CENPQ: variants seen among roughly 807,000 people sequenced by gnomAD.
The protein encoded by CENPQ is centromere protein Q, also known as chromosome 6 open reading frame 139.
A neutral mutation model predicts 36.6 loss-of-function variants in CENPQ; 27 were observed. That is an observed-to-expected ratio of 0.74 (90% CI 0.54 to 1.02). The LOEUF (loss-of-function observed/expected upper bound fraction) is 1.02, where lower values mean the gene tolerates loss of function less well. Ranked by LOEUF, CENPQ falls within the 50% of genes least tolerant of loss-of-function variation. CENPQ has a pLI of 0.00. For synonymous variants in CENPQ, 101 were observed against 101.7 expected, an observed-to-expected ratio of 0.99 and a Z score of 0.04; for missense variants, 306 against 301.8, an observed-to-expected ratio of 1.01 and a Z score of -0.10.
chr6:49,492,598 C>T lies in CENPQ; in HGVS notation c.*323C>T. On this transcript the variant is annotated 3_prime_UTR_variant, in exon 9 of 9. Transcript: ENST00000335783. Reference sequence around the variant, plus strand: ...ATGGAACTCATTTATTGGTTAACAGCTCATATCAGGAGCTGTGATAAGTAA... The same window carrying T: ...ATGGAACTCATTTATTGGTTAACAGTTCATATCAGGAGCTGTGATAAGTAA... The T allele has an allele frequency of 5.4e-6, 1 of 185,808 alleles. No individual in the cohort carries two copies. Among genetic ancestry groups the T allele is most frequent in the Middle Eastern group, 2.4e-3 (1 of 414 alleles). 11.5% of individuals were successfully genotyped at this position (185,808 alleles called of 1,614,324 possible).
At chr6:49,473,616 C>G (rs943098027) in intron 5 of CENPQ, among the ~76,000 whole-genome samples, 1 of 152,132 alleles carries the variant, frequency 6.6e-6, no homozygotes, top group South Asian at 2.1e-4. Context: ...CATCAACTAA[C>G]GAGCAAAATA....
At chr6:49,464,028 C>G (rs763825082) in intron 1 of CENPQ, among the ~76,000 whole-genome samples, 2 of 152,038 alleles carry the variant, frequency 1.3e-5, no homozygotes, top group Non-Finnish European at 2.9e-5. Flanking sequence ...GCTTTCCTGC[C>G]GTCCGAGTTT....
chr6:49,484,037 A>G (rs1397382120), intron 6 of CENPQ, among the ~76,000 whole-genome samples: 1 of 152,238 alleles, frequency 6.6e-6, no homozygotes, highest in Non-Finnish European at 1.5e-5. Flanking sequence ...ATTTTTAATT[A>G]TCAATTTAGA....
intron 5 of CENPQ, among the ~76,000 whole-genome samples, chr6:49,480,667 G>A (rs1380794295): frequency 3.9e-5 from 6 of 152,138 alleles, no homozygotes; most frequent in Admixed American, 2.6e-4. Context: ...GGAAATTTTG[G>A]TTTTAAAATG....
intron 6 of CENPQ, among the ~76,000 whole-genome samples, chr6:49,487,168 A>AAAAAAAAAAAAAATGGGCATGAGTTG (rs541811843): frequency 1.4e-5 from 1 of 72,214 alleles, no homozygotes; most frequent in Non-Finnish European, 3.3e-5. Flanking sequence ...AAAAAAAAAA[A>AAAAAAAAAAAAAATGGGCATGAGTTG]ATAAAAAAAA....
At chr6:49,469,457 T>G (rs1185032534) in intron 1 of CENPQ, among the ~76,000 whole-genome samples, 1 of 152,226 alleles carries the variant, frequency 6.6e-6, no homozygotes, top group Non-Finnish European at 1.5e-5. Flanking sequence ...CTTCTGTTCC[T>G]TTTATCAGAA....
rs181066309 is a variant in CENPQ, at chr6:49,463,647, G to T, written c.-19+194G>T. Among the ~76,000 whole-genome samples the T allele has an allele frequency of 2.7e-3, 414 of 152,060 alleles. 1 individual carries two copies. Among genetic ancestry groups the T allele is most frequent in the African/African-American group, 6.4e-3 (265 of 41,470 alleles). On this transcript the variant is annotated intron_variant, in intron 1 of 8. Coordinates refer to ENST00000335783, the MANE Select transcript of CENPQ (RefSeq NM_018132.4). ...ATTGAGATGTTTGATTAGGGGGGAG[G>T]GAGCAAAGCCATGAATACTTCCTAT...
intron 6 of CENPQ, among the ~76,000 whole-genome samples, chr6:49,486,762 AC>A (rs1199862117): frequency 2.0e-5 from 3 of 152,152 alleles, no homozygotes; most frequent in African/African-American, 7.2e-5. Context: ...AGAGCTGTAT[AC>A]TGAAATATTT....
rs569373751 is a variant in CENPQ, at chr6:49,485,435, A to G, written c.478-2917A>G. On this transcript the variant is annotated intron_variant, in intron 6 of 8. Transcript: ENST00000335783. The stretch of plus-strand genomic sequence containing the variant: ...AAAAATGGAGCCATAGGATTTCAGA[A>G]TCAGAGTTAGCATAAGAAAATATGA... Among the ~76,000 whole-genome samples, 13 of 152,334 alleles carry G rather than the reference A, an allele frequency of 8.5e-5. No individual in the cohort carries two copies. The South Asian group carries it at 2.7e-3, about 32-fold the overall frequency.
chr6:49,467,034 A>G (rs1768018546), intron 1 of CENPQ, among the ~76,000 whole-genome samples: 1 of 152,192 alleles, frequency 6.6e-6, no homozygotes, highest in Non-Finnish European at 1.5e-5. Context: ...CTAGCATCTG[A>G]CGGTCTACGT....
intron 6 of CENPQ, among the ~76,000 whole-genome samples, chr6:49,485,803 A>G (rs1468553546): frequency 6.7e-6 from 1 of 149,862 alleles, no homozygotes; most frequent in Non-Finnish European, 1.5e-5. Flanking sequence ...AGGAATTGAG[A>G]AAAAAAAAAC....
chr6:49,486,926 A>G (rs914600732), intron 6 of CENPQ, among the ~76,000 whole-genome samples: 3 of 151,466 alleles, frequency 2.0e-5, no homozygotes, highest in Non-Finnish European at 4.4e-5. Context: ...GCTGGTGGAT[A>G]ACCAGAGGTC....
At chr6:49,486,600 A>C (rs1037912384) in intron 6 of CENPQ, among the ~76,000 whole-genome samples, 3 of 152,184 alleles carry the variant, frequency 2.0e-5, no homozygotes, top group Non-Finnish European at 4.4e-5. Context: ...CCAGTTTGGA[A>C]CCTGATTAAA....
intron 6 of CENPQ, among the ~76,000 whole-genome samples, chr6:49,484,356 C>T (rs77495655): frequency 7.9e-5 from 12 of 152,206 alleles, no homozygotes; most frequent in Non-Finnish European, 1.8e-4. Flanking sequence ...TTCTTGATCA[C>T]TATGTTGTAT....
chr6:49,477,579 AAG>A (rs1768327600), intron 5 of CENPQ, among the ~76,000 whole-genome samples: 1 of 152,044 alleles, frequency 6.6e-6, no homozygotes, highest in South Asian at 2.1e-4. Context: ...AAAAAAAAAA[AAG>A]AAAATGTTCT....
chr6:49,464,071 C>T (rs1162779901), intron 1 of CENPQ, among the ~76,000 whole-genome samples: 1 of 152,066 alleles, frequency 6.6e-6, no homozygotes, highest in African/African-American at 2.4e-5. Flanking sequence ...CATTTTTCTA[C>T]TTTTTGGCTA....
intron 5 of CENPQ, among the ~76,000 whole-genome samples, chr6:49,475,913 C>G (rs868497974): frequency 3.3e-5 from 5 of 151,996 alleles, no homozygotes; most frequent in East Asian, 1.9e-4. Flanking sequence ...CACTGCTCAA[C>G]GAAATAAAAG....
In CENPQ at chr6:49,470,202, A is replaced by G. The variant is rs766428615; in HGVS notation, c.26A>G (p.Lys9Arg). The change falls in exon 2 of 9, where the codon AAG (lysine) becomes AGG (arginine). Residue 9 changes from lysine (K) to arginine (R), a missense_variant. Physicochemically the swap from Lys to Arg is conservative, Grantham distance 26. Coordinates refer to ENST00000335783, the MANE Select transcript of CENPQ (RefSeq NM_018132.4). The part of the protein sequence containing the change: MSGKANAS[K>R]KNAQQLKRNP... ...ATGTCTGGTAAAGCAAATGCTTCCA[A>G]GAAAAACGCTCAACAGTTAAAAAGA... The G allele has an allele frequency of 6.2e-7, 1 of 1,610,478 alleles. No homozygotes were observed. Among genetic ancestry groups the G allele is most frequent in the South Asian group, 1.1e-5 (1 of 90,754 alleles).
intron 6 of CENPQ, among the ~76,000 whole-genome samples, chr6:49,482,872 G>A (rs1403785664): frequency 6.6e-6 from 1 of 152,128 alleles, no homozygotes; most frequent in East Asian, 1.9e-4. Flanking sequence ...GGTCTCGCTG[G>A]CTCAGGAGTG....
Sources: allele counts gnomAD v4.1 joint callset (sites outside exome capture counted in the v4.1 genomes callset), GRCh38; gene constraint gnomAD v4.1.1; transcripts MANE v1.5; gene names NCBI Gene and HGNC (gene_info 2026-07-23, HGNC 2026-07-21).